Variants in TRMT11 observed in about 807,000 individuals in gnomAD.
The protein encoded by TRMT11 is tRNA methyltransferase 11.
Under a neutral mutation model 62.8 loss-of-function variants are expected in TRMT11, and 53 were observed. That is an observed-to-expected ratio of 0.84 (90% CI 0.68 to 1.06). The LOEUF (loss-of-function observed/expected upper bound fraction) is 1.06. Ranked by LOEUF, TRMT11 falls within the 50% of genes least tolerant of loss-of-function variation. The pLI is 0.00. For synonymous variants in TRMT11, 188 were observed against 190.3 expected (o/e 0.99, Z 0.10); for missense variants, 556 against 553.4 (o/e 1.00, Z -0.05).
chr6:126,009,093 A>G (rs1390788372), intron 8 of TRMT11, among the ~76,000 whole-genome samples: 1 of 151,942 alleles, frequency 6.6e-6, no homozygotes, highest in Admixed American at 6.6e-5. Context: ...ATTAATTATA[A>G]CTAATTAATA....
intron 21 of TRMT11, among the ~76,000 whole-genome samples, chr6:126,148,494 A>G (rs531927938): frequency 1.3e-5 from 2 of 152,336 alleles, no homozygotes; most frequent in South Asian, 4.1e-4. Context: ...AAGGCAATAC[A>G]GTGCAGCATG....
chr6:126,075,873 C>T (rs1777007439), intron 17 of TRMT11, among the ~76,000 whole-genome samples: 1 of 152,158 alleles, frequency 6.6e-6, no homozygotes. Flanking sequence ...GTGGAAAAGG[C>T]ACATGGCCTT....
chr6:126,145,490 C>A (rs538036451), intron 21 of TRMT11, among the ~76,000 whole-genome samples: 40 of 152,290 alleles, frequency 2.6e-4, no homozygotes, highest in African/African-American at 9.1e-4. Context: ...TTCCATTTAG[C>A]GCCAGGCACC....
intron 21 of TRMT11, among the ~76,000 whole-genome samples, chr6:126,128,732 A>G (rs1777746018): frequency 6.6e-6 from 1 of 152,050 alleles, no homozygotes; most frequent in Non-Finnish European, 1.5e-5. Context: ...CTTATGCACT[A>G]CATATTTGGT....
chr6:126,023,422 G>T (rs1358841720), intron 12 of TRMT11, among the ~76,000 whole-genome samples: 1 of 152,086 alleles, frequency 6.6e-6, no homozygotes, highest in Non-Finnish European at 1.5e-5. Context: ...GGCCGAGGTG[G>T]GCAGATCATG....
intron 21 of TRMT11, among the ~76,000 whole-genome samples, chr6:126,128,879 A>T (rs1468293820): frequency 1.3e-5 from 2 of 151,896 alleles, no homozygotes; most frequent in Non-Finnish European, 2.9e-5. Context: ...AGCACAGCAG[A>T]AAAGAAAATG....
intron 17 of TRMT11, among the ~76,000 whole-genome samples, chr6:126,078,373 C>T (rs1777079726): frequency 1.3e-5 from 2 of 151,390 alleles, no homozygotes; most frequent in East Asian, 3.9e-4. Flanking sequence ...CTAACTGCAT[C>T]TGGTTTGCAT....
intron 9 of TRMT11, 37 bp downstream of exon 9, chr6:126,011,454 C>A: frequency 6.4e-7 from 1 of 1,558,064 alleles, no homozygotes; most frequent in South Asian, 1.2e-5. Flanking sequence ...GAGTAGGATT[C>A]GTTTTGTAAA....
At chr6:126,218,409 G>A in the TRMT11 span, among the ~76,000 whole-genome samples, 206 of 152,350 alleles carry the variant, frequency 1.4e-3, 1 homozygote, top group African/African-American at 4.7e-3. Flanking sequence ...TGATTTTTCA[G>A]GGTCTAAGAA....
chr6:126,007,790 T>G (rs1410111537), intron 7 of TRMT11, among the ~76,000 whole-genome samples: 1 of 152,014 alleles, frequency 6.6e-6, no homozygotes, highest in African/African-American at 2.4e-5. Context: ...TGTGCATGTT[T>G]GATAATAGTT....
rs776803626 is a variant in TRMT11 at position 125,998,061 on chromosome 6, T to C, written c.221T>C (p.Phe74Ser). 6 of 1,610,862 alleles carry C rather than the reference T, an allele frequency of 3.7e-6. No homozygotes were observed. In the East Asian group the frequency reaches 1.3e-4, roughly 36 times the overall value. Residue 74 changes from phenylalanine to serine, a missense_variant, in exon 4 of 13, where the codon TTT (phenylalanine) becomes TCT (serine). By Grantham distance (155) the Phe-to-Ser change is radical. Coordinates refer to ENST00000334379, the MANE Select transcript of TRMT11 (RefSeq NM_001031712.3). ...MKRTVCAKSI[F>S]ELWGHGQSPE... ...AATCATTTATTTCCTAGGTCTATAT[T>C]TGAACTATGGGGTCATGGACAATCT...
intron 1 of TRMT11, among the ~76,000 whole-genome samples, chr6:126,191,518 C>T (rs536512892): frequency 2.1e-5 from 3 of 146,042 alleles, no homozygotes; most frequent in African/African-American, 7.6e-5. Context: ...TCTTGCCCTG[C>T]CCTCAAAATC....
At chr6:126,181,325 A>C (rs900082560) in intron 1 of TRMT11, among the ~76,000 whole-genome samples, 2 of 152,192 alleles carry the variant, frequency 1.3e-5, no homozygotes, top group African/African-American at 4.8e-5. Flanking sequence ...AACATTCATA[A>C]TCCCAAACCC....
intron 8 of TRMT11, 29 bp downstream of exon 8, chr6:126,008,501 G>GACA (rs747836370): frequency 1.0e-4 from 164 of 1,576,650 alleles, no homozygotes; most frequent in Non-Finnish European, 1.4e-4. Flanking sequence ...CAGTATTATA[G>GACA]TCATTGCTGT....
the TRMT11 span, among the ~76,000 whole-genome samples, chr6:126,213,643 G>T: frequency 5.3e-5 from 8 of 151,896 alleles, no homozygotes; most frequent in Admixed American, 5.2e-4. Flanking sequence ...TAATAGTTTT[G>T]TTACAGAGTC....
At chr6:126,049,476 A>G (rs1213733994) in intron 16 of TRMT11, among the ~76,000 whole-genome samples, 1 of 151,224 alleles carries the variant, frequency 6.6e-6, no homozygotes, top group East Asian at 1.9e-4. Flanking sequence ...TTTTTTTTCT[A>G]TTTTAATGTC....
chr6:126,093,623 A>ATTTTTTTT (rs1301464523), intron 17 of TRMT11, among the ~76,000 whole-genome samples: 1 of 101,180 alleles, frequency 9.9e-6, no homozygotes, highest in African/African-American at 5.4e-5. Flanking sequence ...ATATATATAT[A>ATTTTTTTT]TATATATATT....
intron 17 of TRMT11, among the ~76,000 whole-genome samples, chr6:126,063,594 C>T (rs545397256): frequency 8.5e-5 from 13 of 152,298 alleles, no homozygotes; most frequent in East Asian, 5.8e-4. Flanking sequence ...AATGTGCAGA[C>T]GAATCCCCTG....
chr6:126,258,342 G>C, the TRMT11 span: 1 of 380,374 alleles, frequency 2.6e-6, no homozygotes, highest in Non-Finnish European at 5.1e-6. Flanking sequence ...GTCTGCCATG[G>C]CGGCTGCCAG....
Sources: gnomAD v4.1 joint callset for allele counts (sites outside exome capture counted in the v4.1 genomes callset) on GRCh38, gnomAD v4.1.1 for gene constraint, MANE v1.5 for transcripts, NCBI Gene and HGNC (gene_info 2026-07-23, HGNC 2026-07-21) for gene names.